CFAP57: variants seen among roughly 807,000 people sequenced by gnomAD.
The protein encoded by CFAP57 is cilia and flagella associated protein 57, also known as cilia- and flagella-associated protein 57.
In CFAP57, 116 loss-of-function variants were observed where a neutral mutation model predicts 146.8. The observed-to-expected ratio is 0.79, with a 90% CI of 0.68 to 0.92. The LOEUF is 0.92. CFAP57 is among the 40% of genes least tolerant of loss of function. The pLI is 0.00. For missense variants in CFAP57, 1,377 were observed against 1,527.2 expected (o/e 0.90, Z 1.64); for synonymous variants, 518 against 552.8 (o/e 0.94, Z 0.88).
chr1:43,197,369 A>G lies in CFAP57; in HGVS notation c.1123-184A>G, dbSNP rs188251489. On this transcript the variant is annotated intron_variant, in intron 6 of 22. Transcript: ENST00000372492. ...GAGACTCCATCTCAAACATAAAATA[A>G]AATAAAATAAAAAATAATAATAATA... Among the ~76,000 whole-genome samples, 260 of 152,242 alleles carry G rather than the reference A, an allele frequency of 1.7e-3. 1 individual carries two copies. Among genetic ancestry groups the G allele is most frequent in the African/African-American group, 5.7e-3 (237 of 41,534 alleles).
Position 43,254,250 on chromosome 1 carries a change from A to G in CFAP57, c.*59A>G. ...GAAGAAACACAGCATGTCTGTCCCC[A>G]AGCCAGACTTGCGGTTGGAGTCTGT... On this transcript the variant is annotated 3_prime_UTR_variant, in exon 23 of 23. Coordinates refer to ENST00000372492, the MANE Select transcript of CFAP57 (RefSeq NM_001378189.1). The G allele has an allele frequency of 6.9e-7, 1 of 1,450,180 alleles. No homozygotes were observed. The highest frequency in any genetic ancestry group is 9.3e-7 in the Non-Finnish European group (1 of 1,076,276). The allele number at this position is 1,450,180 out of a possible 1,614,324, so 89.8% of individuals were successfully genotyped here. A position where few individuals can be genotyped will look rare whatever the true frequency, so the allele number is the denominator to read the frequency against.
At chr1:43,185,486 GTGACTCGAGATGTCTGTCC>G in intron 5 of CFAP57, 130 bp downstream of exon 5, 1 of 832,826 alleles carries the variant, frequency 1.2e-6, no homozygotes, top group South Asian at 1.4e-5. Flanking sequence ...TGGTGAAATG[GTGACTCGAGATGTCTGTCC>G]TGAGAGAGAT....
At chr1:43,227,724 C>T (rs1645305475) in intron 18 of CFAP57, among the ~76,000 whole-genome samples, 1 of 152,104 alleles carries the variant, frequency 6.6e-6, no homozygotes, top group Non-Finnish European at 1.5e-5. Flanking sequence ...CCACCACACG[C>T]CACCTTTCCC....
At chr1:43,234,666 TG>T (rs1428683633) in intron 21 of CFAP57, 28 bp downstream of exon 21, 1 of 1,535,780 alleles carries the variant, frequency 6.5e-7, no homozygotes. Flanking sequence ...TCAGCCCCTG[TG>T]GAGGCCAAGC....
At chr1:43,181,513 T>C in intron 2 of CFAP57, 21 bp from the exon 3 acceptor site, 1 of 1,613,796 alleles carries the variant, frequency 6.2e-7, no homozygotes, top group South Asian at 1.1e-5. Flanking sequence ...CCTGATTATT[T>C]CCTTTTTCCT....
chr1:43,244,833 G>A (rs182382486), intron 22 of CFAP57, among the ~76,000 whole-genome samples: 3 of 151,950 alleles, frequency 2.0e-5, no homozygotes, highest in African/African-American at 2.4e-5. Flanking sequence ...AACCTGGGAG[G>A]CAGAGGTTGC....
At chr1:43,213,354 C>G (rs1467407108) in intron 11 of CFAP57, among the ~76,000 whole-genome samples, 1 of 152,224 alleles carries the variant, frequency 6.6e-6, no homozygotes, top group East Asian at 1.9e-4. Context: ...CCAGTTCCAT[C>G]CATGTTGCTG....
chr1:43,174,705 A>G (rs1303673124), intron 2 of CFAP57, among the ~76,000 whole-genome samples: 2 of 152,172 alleles, frequency 1.3e-5, no homozygotes, highest in Non-Finnish European at 1.5e-5. Context: ...AGTCCCAGCT[A>G]CTCGGGAGGC....
intron 9 of CFAP57, among the ~76,000 whole-genome samples, chr1:43,202,510 C>T (rs981739729): frequency 4.6e-5 from 7 of 152,190 alleles, no homozygotes; most frequent in African/African-American, 1.4e-4. Flanking sequence ...GGTCCGGGCG[C>T]AGTCACTCAC....
intron 2 of CFAP57, among the ~76,000 whole-genome samples, chr1:43,176,399 G>A (rs1002437318): frequency 1.3e-5 from 2 of 152,196 alleles, no homozygotes; most frequent in Admixed American, 6.5e-5. Flanking sequence ...GGTATTACCG[G>A]TGAAGGGAAA....
At chr1:43,212,111 G>A (rs1026357904) in intron 11 of CFAP57, among the ~76,000 whole-genome samples, 2 of 152,270 alleles carry the variant, frequency 1.3e-5, no homozygotes, top group Non-Finnish European at 2.9e-5. Context: ...GTTTCCCCCA[G>A]TAATTACATC....
chr1:43,215,533 C>G, intron 12 of CFAP57, 117 bp downstream of exon 12: 2 of 1,205,456 alleles, frequency 1.7e-6, no homozygotes, highest in African/African-American at 1.5e-5. Context: ...AGTGCAGACC[C>G]CCACGGCTCC....
chr1:43,226,422 A>G (rs1645245076), intron 17 of CFAP57, among the ~76,000 whole-genome samples: 1 of 152,104 alleles, frequency 6.6e-6, no homozygotes, highest in Non-Finnish European at 1.5e-5. Flanking sequence ...GGGTCTTTTG[A>G]TCAGAGCCCC....
At chr1:43,179,972 C>T (rs1298578239) in intron 2 of CFAP57, among the ~76,000 whole-genome samples, 2 of 151,756 alleles carry the variant, frequency 1.3e-5, no homozygotes, top group Non-Finnish European at 2.9e-5. Context: ...TCTGGGAGGC[C>T]GAGGTGGGCG....
chr1:43,222,768 A>C, intron 15 of CFAP57, 56 bp from the exon 16 acceptor site: 1 of 1,469,666 alleles, frequency 6.8e-7, no homozygotes, highest in Non-Finnish European at 9.0e-7. Flanking sequence ...CCCTGTTGGC[A>C]CAAAGATGTG....
chr1:43,180,240 A>ATATATATATATATATAT (rs1557726343), intron 2 of CFAP57, among the ~76,000 whole-genome samples: 1 of 121,556 alleles, frequency 8.2e-6, no homozygotes, highest in African/African-American at 3.0e-5. Context: ...TATATATATA[A>ATATATATATATATATAT]AATATATATA....
intron 6 of CFAP57, among the ~76,000 whole-genome samples, chr1:43,196,770 T>C (rs1314730823): frequency 1.3e-5 from 2 of 152,200 alleles, no homozygotes; most frequent in Admixed American, 6.5e-5. Context: ...TTGCTACTGG[T>C]GATAATTAGT....
intron 19 of CFAP57, among the ~76,000 whole-genome samples, chr1:43,233,929 G>T (rs774722341): frequency 3.9e-5 from 6 of 152,178 alleles, no homozygotes; most frequent in Non-Finnish European, 8.8e-5. Context: ...GCTCTAAAGG[G>T]ATATGGGTGA....
In CFAP57 at chr1:43,222,884, G is replaced by C. The variant is rs1244394897; in HGVS notation, c.2593G>C (p.Glu865Gln). The C allele has an allele frequency of 6.4e-7, 1 of 1,550,450 alleles. No homozygotes were observed. The highest frequency in any genetic ancestry group is 8.7e-7 in the Non-Finnish European group (1 of 1,146,868). Reference protein sequence around the residue: ...EFEETKKQIEEDEDREIQDIK... With the variant: ...EFEETKKQIEQDEDREIQDIK... ...TGAAGAGACCAAGAAGCAGATTGAG[G>C]AAGATGAAGACCGAGAAATCCAAGA... The change falls in exon 16 of 23, where the codon GAA becomes CAA. Residue 865 changes from glutamate to glutamine, a missense_variant. Glu to Gln is a conservative substitution (Grantham distance 29, BLOSUM62 2). Coordinates refer to ENST00000372492, the MANE Select transcript of CFAP57 (RefSeq NM_001378189.1).
Sources: gnomAD v4.1 joint callset for allele counts (sites outside exome capture counted in the v4.1 genomes callset) on GRCh38, gnomAD v4.1.1 for gene constraint, MANE v1.5 for transcripts, NCBI Gene and HGNC (gene_info 2026-07-23, HGNC 2026-07-21) for gene names.